GRIK1: variants seen among roughly 807,000 people sequenced by gnomAD.
The protein encoded by GRIK1 is glutamate receptor ionotropic, kainate 1.
Under a neutral mutation model 105.7 loss-of-function variants are expected in GRIK1, and 69 were observed. The observed-to-expected ratio is 0.65, with a 90% confidence interval of 0.54 to 0.80. The LOEUF (loss-of-function observed/expected upper bound fraction) is 0.80, where lower values mean the gene tolerates loss of function less well. Ranked by LOEUF, GRIK1 falls within the 30% of genes least tolerant of loss-of-function variation. The pLI is 0.00. For missense variants in GRIK1, 1,109 were observed against 1,167.3 expected (o/e 0.95, Z 0.73); for synonymous variants, 438 against 431.3 (o/e 1.02, Z -0.19).
At chr21:29,568,609 T>C (rs1601140172) in intron 14 of GRIK1, among the ~76,000 whole-genome samples, 1 of 152,232 alleles carries the variant, frequency 6.6e-6, no homozygotes, top group South Asian at 2.1e-4. Flanking sequence ...TGTAATCCTC[T>C]GGCTTGAGTC....
At chr21:29,791,509 T>TTGGGGG (rs1555888774) in intron 1 of GRIK1, among the ~76,000 whole-genome samples, 10 of 149,942 alleles carry the variant, frequency 6.7e-5, no homozygotes, top group African/African-American at 2.2e-4. Context: ...AGAAGGGAAG[T>TTGGGGG]GGGGGGGGAA....
chr21:29,787,298 C>A (rs1429627884), intron 1 of GRIK1, among the ~76,000 whole-genome samples: 1 of 152,110 alleles, frequency 6.6e-6, no homozygotes, highest in Non-Finnish European at 1.5e-5. Flanking sequence ...AAAGTCTCTC[C>A]TTTTCAAAGA....
chr21:29,633,994 T>C (rs189239331), intron 7 of GRIK1, among the ~76,000 whole-genome samples: 2 of 152,260 alleles, frequency 1.3e-5, no homozygotes, highest in Admixed American at 1.3e-4. Flanking sequence ...TAATGGGAAG[T>C]GTTACTCAGT....
At chr21:29,739,464 T>C (rs1404269259) in intron 1 of GRIK1, among the ~76,000 whole-genome samples, 4 of 152,098 alleles carry the variant, frequency 2.6e-5, no homozygotes, top group Non-Finnish European at 5.9e-5. Flanking sequence ...AGAGTTTAGA[T>C]TTTTCCTAAA....
At chr21:29,697,909 T>C (rs1028291018) in intron 1 of GRIK1, among the ~76,000 whole-genome samples, 1 of 140,208 alleles carries the variant, frequency 7.1e-6, no homozygotes, top group Non-Finnish European at 1.5e-5. Context: ...CTCTTTTCTT[T>C]CTTTCTTTCT....
At chr21:29,806,122 A>G in intron 1 of GRIK1, among the ~76,000 whole-genome samples, 1 of 152,190 alleles carries the variant, frequency 6.6e-6, no homozygotes, top group Non-Finnish European at 1.5e-5. Flanking sequence ...TTTATAAGGT[A>G]TCCCACTATA....
intron 1 of GRIK1, among the ~76,000 whole-genome samples, chr21:29,759,365 G>A (rs1165638106): frequency 6.6e-6 from 1 of 152,174 alleles, no homozygotes; most frequent in Non-Finnish European, 1.5e-5. Flanking sequence ...TGATCCGCCC[G>A]CCTCGGCCTC....
intron 1 of GRIK1, among the ~76,000 whole-genome samples, chr21:29,733,581 C>T (rs1027158472): frequency 1.3e-5 from 2 of 151,896 alleles, no homozygotes; most frequent in Non-Finnish European, 2.9e-5. Context: ...AAATTATATT[C>T]ATTAAACTAA....
At chr21:29,722,761 C>A (rs2146863338) in intron 1 of GRIK1, among the ~76,000 whole-genome samples, 1 of 152,208 alleles carries the variant, frequency 6.6e-6, no homozygotes, top group Non-Finnish European at 1.5e-5. Context: ...CCATTTCCCA[C>A]AAATCTATTC....
intron 1 of GRIK1, among the ~76,000 whole-genome samples, chr21:29,851,765 G>A (rs563929631): frequency 7.7e-4 from 103 of 133,888 alleles, no homozygotes; most frequent in South Asian, 2.0e-3. Context: ...CAAGAAGAGC[G>A]TCTTTAGCAC....
At position 29,843,852 on chromosome 21, in the gene GRIK1, A is replaced by G. The variant is rs368674593; in HGVS notation, c.118+95531T>C. Among the ~76,000 whole-genome samples the G allele has an allele frequency of 6.6e-5, 10 of 152,308 alleles. No individual in the cohort carries two copies. In the East Asian group the frequency reaches 7.7e-4, roughly 12 times the overall value. On this transcript the variant is annotated intron_variant, in intron 1 of 17. Transcript: ENST00000327783. The stretch of plus-strand genomic sequence containing the variant: ...TGCTTTGCTGATGATTTAAATTTAC[A>G]CACTCACTCCTTCTAGAGCGATGAT...
At chr21:29,897,534 A>G (rs2070215722) in intron 1 of GRIK1, among the ~76,000 whole-genome samples, 1 of 152,314 alleles carries the variant, frequency 6.6e-6, no homozygotes, top group East Asian at 1.9e-4. Context: ...TTGCTTAATC[A>G]ATTTCAATAA....
intron 1 of GRIK1, among the ~76,000 whole-genome samples, chr21:29,756,261 GC>G (rs1415869364): frequency 2.0e-5 from 3 of 151,678 alleles, no homozygotes; most frequent in Admixed American, 2.0e-4. Flanking sequence ...GGCGCCTGCA[GC>G]CCCAGCTACT....
intron 1 of GRIK1, among the ~76,000 whole-genome samples, chr21:29,905,415 TTTTTA>T (rs892622061): frequency 7.2e-6 from 1 of 139,018 alleles, no homozygotes; most frequent in African/African-American, 2.8e-5. Flanking sequence ...TTTTTAAAAA[TTTTTA>T]TATTATATAT....
chr21:29,615,260 G>T (rs1395440420), intron 7 of GRIK1, among the ~76,000 whole-genome samples: 1 of 151,562 alleles, frequency 6.6e-6, no homozygotes, highest in Non-Finnish European at 1.5e-5. Flanking sequence ...TTAAGAGCAG[G>T]TGTAGTGTGC....
intron 1 of GRIK1, among the ~76,000 whole-genome samples, chr21:29,774,117 C>T (rs2065882122): frequency 6.6e-6 from 1 of 152,124 alleles, no homozygotes; most frequent in Non-Finnish European, 1.5e-5. Context: ...CTGTACCCTT[C>T]AATTTCTTAT....
At chr21:29,735,964 A>C (rs1272130652) in intron 1 of GRIK1, among the ~76,000 whole-genome samples, 1 of 152,210 alleles carries the variant, frequency 6.6e-6, no homozygotes, top group East Asian at 1.9e-4. Context: ...AAAGAATATT[A>C]AGTGAAATAT....
chr21:29,583,403 A>ACAATTTTTTTTGTC (rs2091064461), intron 12 of GRIK1, among the ~76,000 whole-genome samples: 1 of 152,180 alleles, frequency 6.6e-6, no homozygotes, highest in Non-Finnish European at 1.5e-5. Flanking sequence ...ATTTAAAAAT[A>ACAATTTTTTTTGTC]TTAATTGAAA....
chr21:29,830,517 T>C (rs1002356672), intron 1 of GRIK1, among the ~76,000 whole-genome samples: 2 of 152,268 alleles, frequency 1.3e-5, no homozygotes, highest in Middle Eastern at 3.4e-3. Context: ...CTTTGTGCCA[T>C]ATAGATTGTG....
Sources: gnomAD v4.1 joint callset for allele counts (sites outside exome capture counted in the v4.1 genomes callset) on GRCh38, gnomAD v4.1.1 for gene constraint, MANE v1.5 for transcripts, NCBI Gene and HGNC (gene_info 2026-07-23, HGNC 2026-07-21) for gene names.